Variants in JAK2 observed in about 807,000 individuals in gnomAD.
JAK2 encodes the protein tyrosine-protein kinase JAK2.
JAK2 carries 86 observed loss-of-function variants against 139.3 expected under a neutral mutation model. The observed-to-expected ratio is 0.62, with a 90% confidence interval of 0.52 to 0.74. The LOEUF is 0.74. JAK2 is among the 30% of genes least tolerant of loss of function. JAK2 has a pLI of 0.00. For synonymous variants in JAK2, 490 were observed against 437.7 expected (o/e 1.12, Z -1.49); for missense variants, 1,421 against 1,360.3 (o/e 1.04, Z -0.70).
At chr9:5,090,683 C>A in intron 21 of JAK2, 56 bp from the exon 22 acceptor site, 2 of 1,538,282 alleles carry the variant, frequency 1.3e-6, no homozygotes, top group African/African-American at 1.4e-5. Context: ...GGGTTAAGAC[C>A]ATTTAAATTG....
At chr9:4,987,942 C>T (rs1178132090) in intron 2 of JAK2, among the ~76,000 whole-genome samples, 1 of 152,116 alleles carries the variant, frequency 6.6e-6, no homozygotes, top group Non-Finnish European at 1.5e-5. Flanking sequence ...GGTGATCTGC[C>T]TGTAACTCGT....
intron 22 of JAK2, among the ~76,000 whole-genome samples, chr9:5,095,499 T>C (rs928017060): frequency 6.6e-6 from 1 of 151,996 alleles, no homozygotes; most frequent in Non-Finnish European, 1.5e-5. Context: ...ACACTACTAA[T>C]CAATTTTCAT....
At chr9:5,071,967 G>T (rs548411933) in intron 12 of JAK2, among the ~76,000 whole-genome samples, 1 of 152,268 alleles carries the variant, frequency 6.6e-6, no homozygotes, top group Non-Finnish European at 1.5e-5. Flanking sequence ...TGTGCTAAGT[G>T]CTTTTATGTA....
chr9:5,080,139 C>A (rs2130603876), intron 16 of JAK2, 90 bp from the exon 17 acceptor site: 3 of 1,026,704 alleles, frequency 2.9e-6, no homozygotes, highest in East Asian at 2.5e-5. Flanking sequence ...CCTGATTATT[C>A]AAATGATTTG....
chr9:5,093,714 A>G (rs1195698964), intron 22 of JAK2, among the ~76,000 whole-genome samples: 1 of 152,180 alleles, frequency 6.6e-6, no homozygotes, highest in Non-Finnish European at 1.5e-5. Flanking sequence ...AATTTGATCA[A>G]CAGAACAAGT....
chr9:5,005,354 A>T (rs1472278186), intron 2 of JAK2, among the ~76,000 whole-genome samples: 1 of 151,234 alleles, frequency 6.6e-6, no homozygotes, highest in East Asian at 1.9e-4. Context: ...TCTATTTTGG[A>T]TATTAACTCC....
intron 20 of JAK2, 49 bp downstream of exon 20, chr9:5,089,912 A>C (rs1439159159): frequency 1.6e-6 from 2 of 1,259,654 alleles, no homozygotes; most frequent in African/African-American, 3.1e-5. Flanking sequence ...TGTGTTTGGC[A>C]TCCTGTGTAA....
rs141253023 is a variant in JAK2, at chr9:5,047,797, C to T, written c.469-2889C>T. 4.7e-3 allele frequency among the ~76,000 whole-genome samples: 722 copies of T among 152,074 alleles called. 6 individuals carry two copies. Among genetic ancestry groups the T allele is most frequent in the African/African-American group, 0.013 (542 of 41,456 alleles). On this transcript the variant is annotated intron_variant, in intron 5 of 24. Coordinates refer to ENST00000381652, the MANE Select transcript of JAK2 (RefSeq NM_004972.4). ...TTTTGGTTTTGTGGAGATGGGGTCT[C>T]GCTCTATTGTCCAGGCTGGTTTCAA... is the stretch of plus-strand genomic sequence containing the variant.
intron 5 of JAK2, 25 bp from the exon 6 acceptor site, chr9:5,050,661 A>C: frequency 6.3e-7 from 1 of 1,599,992 alleles, no homozygotes; most frequent in Non-Finnish European, 8.5e-7. Context: ...ACGATGAGAT[A>C]TTTCCTTCAA....
Position 5,065,055 on chromosome 9 carries a change from C to A in JAK2, c.1214+15C>A. On this transcript the variant is annotated intron_variant, in intron 9 of 24. Transcript: ENST00000381652. The stretch of plus-strand genomic sequence containing the variant: ...GGCCCAATTTCGTGAGTAATACAGA[C>A]TTAAAAGTAAATTTTTAGAAAAGTA... 1 of 1,492,414 alleles carries A rather than the reference C, an allele frequency of 6.7e-7. No homozygotes were observed. Among genetic ancestry groups the A allele is most frequent in the Non-Finnish European group, 9.0e-7 (1 of 1,114,162 alleles). 92.4% of individuals were successfully genotyped at this position (1,492,414 alleles called of 1,614,324 possible).
chr9:5,031,370 C>G (rs1823133997), intron 4 of JAK2, among the ~76,000 whole-genome samples: 1 of 152,046 alleles, frequency 6.6e-6, no homozygotes, highest in Non-Finnish European at 1.5e-5. Flanking sequence ...GAATCATAAA[C>G]TAAATAATGA....
chr9:5,001,403 T>C (rs1336275906), intron 2 of JAK2, among the ~76,000 whole-genome samples: 1 of 152,178 alleles, frequency 6.6e-6, no homozygotes. Context: ...TGAATTGGTG[T>C]TGACTTTTGT....
chr9:5,086,245 G>T, intron 19 of JAK2: 2 of 564,526 alleles, frequency 3.5e-6, no homozygotes, highest in Non-Finnish European at 4.6e-6. Context: ...AGTCGCGGTA[G>T]GATGGTGGCT....
At chr9:5,044,004 T>C (rs541175542) in intron 4 of JAK2, among the ~76,000 whole-genome samples, 1 of 152,352 alleles carries the variant, frequency 6.6e-6, no homozygotes, top group African/African-American at 2.4e-5. Flanking sequence ...TGTTCTTTGT[T>C]TCTCTGAAGG....
At chr9:5,111,161 C>T in intron 22 of JAK2, 2 of 790,168 alleles carry the variant, frequency 2.5e-6, no homozygotes, top group Non-Finnish European at 2.1e-6. Flanking sequence ...CTTGCTGAGT[C>T]GCACGGCAGC....
chr9:5,115,186 A>G (rs1294198174), intron 22 of JAK2, among the ~76,000 whole-genome samples: 1 of 152,208 alleles, frequency 6.6e-6, no homozygotes, highest in Non-Finnish European at 1.5e-5. Context: ...GCTAATATCA[A>G]GAATCTACAA....
chr9:5,106,212 A>C (rs1013459174), intron 22 of JAK2, among the ~76,000 whole-genome samples: 1 of 152,242 alleles, frequency 6.6e-6, no homozygotes, highest in African/African-American at 2.4e-5. Flanking sequence ...CAAGAAAAAA[A>C]CAACCCCATC....
At chr9:5,062,654 T>C (rs1023303711) in intron 8 of JAK2, among the ~76,000 whole-genome samples, 8 of 152,124 alleles carry the variant, frequency 5.3e-5, no homozygotes, top group East Asian at 1.9e-4. Flanking sequence ...ACAACTTTGA[T>C]AGATTATTAA....
intron 22 of JAK2, chr9:5,110,931 G>A (rs1221777081): frequency 1.7e-6 from 1 of 579,216 alleles, no homozygotes; most frequent in African/African-American, 1.9e-5. Flanking sequence ...AGCCGCAGAG[G>A]ATGGCATCCG....
Sources: allele counts gnomAD v4.1 joint callset (sites outside exome capture counted in the v4.1 genomes callset), GRCh38; gene constraint gnomAD v4.1.1; transcripts MANE v1.5; gene names NCBI Gene and HGNC (gene_info 2026-07-23, HGNC 2026-07-21).